Variants in MAP3K20 observed in about 807,000 individuals in gnomAD.
MAP3K20 encodes HCCS-4.
A neutral mutation model predicts 85.7 loss-of-function variants in MAP3K20; 40 were observed. The observed-to-expected ratio is 0.47, with a 90% CI of 0.36 to 0.61. MAP3K20 has a LOEUF of 0.61. MAP3K20 is among the 20% of genes least tolerant of loss of function. The pLI, the probability that MAP3K20 is intolerant of heterozygous loss-of-function variation, is 0.00. For missense variants in MAP3K20, 817 were observed against 961.7 expected (o/e 0.85, Z 1.99); for synonymous variants, 325 against 327.7 (o/e 0.99, Z 0.09).
intron 3 of MAP3K20, among the ~76,000 whole-genome samples, chr2:173,176,129 T>C (rs1290750867): frequency 6.6e-6 from 1 of 152,148 alleles, no homozygotes; most frequent in Non-Finnish European, 1.5e-5. Flanking sequence ...TAATGTTTAT[T>C]GGTTAAAGGT....
Position 173,267,455 on chromosome 2 carries a change from T to C in MAP3K20, c.*705T>C, listed in dbSNP as rs970022485. ...TTTTAGTAAGATATTTGTGTCTGTA[T>C]GATGGTCAGAGTTGAACTGATCTGG... On this transcript the variant is annotated 3_prime_UTR_variant, in exon 20 of 20. Coordinates refer to ENST00000375213, the MANE Select transcript of MAP3K20 (RefSeq NM_016653.3). 1 of 152,220 alleles carries C rather than the reference T, an allele frequency of 6.6e-6. No homozygotes were observed. Among genetic ancestry groups the C allele is most frequent in the Non-Finnish European group, 1.5e-5 (1 of 68,048 alleles). 9.4% of individuals were successfully genotyped at this position (152,220 alleles called of 1,614,324 possible).
At chr2:173,215,194 G>T (rs999449067) in intron 10 of MAP3K20, among the ~76,000 whole-genome samples, 1 of 152,308 alleles carries the variant, frequency 6.6e-6, no homozygotes. Flanking sequence ...TGTCTCACTG[G>T]CAGGGGTGTG....
chr2:173,175,876 T>G (rs1423412641), intron 3 of MAP3K20, among the ~76,000 whole-genome samples: 1 of 152,174 alleles, frequency 6.6e-6, no homozygotes, highest in Admixed American at 6.5e-5. Flanking sequence ...CTTGCTGTCT[T>G]GTCTTGGTGA....
In MAP3K20 at chr2:173,108,378, G is replaced by A. The variant is rs183152995; in HGVS notation, c.159+17188G>A. 5.6e-3 allele frequency among the ~76,000 whole-genome samples: 851 copies of A among 152,248 alleles called. 9 individuals carry two copies. The highest frequency in any genetic ancestry group is 6.3e-3 in the Non-Finnish European group (427 of 68,012). On this transcript the variant is annotated intron_variant, in intron 2 of 19. Coordinates refer to ENST00000375213, the MANE Select transcript of MAP3K20 (RefSeq NM_016653.3). ...ACTCCTGACCTCAGGTGATCCGCCC[G>A]CCTCGGCCTCCCAAAGTGCTGGGAT...
chr2:173,237,171 C>T (rs901856239), intron 14 of MAP3K20, among the ~76,000 whole-genome samples: 2 of 151,756 alleles, frequency 1.3e-5, no homozygotes, highest in Middle Eastern at 3.2e-3. Context: ...GAATTATAGG[C>T]GCAGGCTACA....
chr2:173,237,949 T>C (rs1265588780), intron 14 of MAP3K20, among the ~76,000 whole-genome samples: 1 of 152,096 alleles, frequency 6.6e-6, no homozygotes, highest in African/African-American at 2.4e-5. Flanking sequence ...GAGGCCAGGA[T>C]TTCAAGACCA....
chr2:173,211,689 G>T (rs1368499688), intron 10 of MAP3K20: 3 of 152,434 alleles, frequency 2.0e-5, no homozygotes, highest in African/African-American at 7.2e-5. Context: ...GGCCAAGTCA[G>T]GTGGATCAAC....
intron 4 of MAP3K20, among the ~76,000 whole-genome samples, chr2:173,186,037 G>A (rs1690474554): frequency 6.6e-6 from 1 of 152,150 alleles, no homozygotes; most frequent in Non-Finnish European, 1.5e-5. Flanking sequence ...ATGTGTGTGT[G>A]ATGACTATTG....
chr2:173,220,139 A>ACATTATTTAT (rs1384747274), intron 11 of MAP3K20, among the ~76,000 whole-genome samples: 1 of 151,884 alleles, frequency 6.6e-6, no homozygotes. Flanking sequence ...TATTATTTGT[A>ACATTATTTAT]CATTATTTAT....
chr2:173,264,488 T>C (rs1206524783), intron 19 of MAP3K20, among the ~76,000 whole-genome samples: 5 of 152,108 alleles, frequency 3.3e-5, no homozygotes, highest in South Asian at 2.1e-4. Context: ...TTCTTATATA[T>C]AGGAGTAAGG....
chr2:173,219,896 A>G (rs563643690), intron 11 of MAP3K20, among the ~76,000 whole-genome samples: 22 of 151,944 alleles, frequency 1.4e-4, no homozygotes, highest in East Asian at 9.7e-4. Flanking sequence ...GTGAAACCCC[A>G]TCTCTACTAA....
chr2:173,141,043 C>G (rs12996371), intron 2 of MAP3K20, among the ~76,000 whole-genome samples: 137,801 of 152,202 alleles, frequency 0.91, 63,107 homozygotes, highest in Middle Eastern at 0.98. Flanking sequence ...ATCATAAAAA[C>G]GTGTCCCAAT....
chr2:173,134,833 T>G (rs1169053103), intron 2 of MAP3K20, among the ~76,000 whole-genome samples: 1 of 152,134 alleles, frequency 6.6e-6, no homozygotes, highest in East Asian at 1.9e-4. Context: ...ACAGTCAAAC[T>G]GGGAGAAAGA....
At position 173,184,509 on chromosome 2, in the gene MAP3K20, G is replaced by A. The variant is rs575782589; in HGVS notation, c.349+1554G>A. Among the ~76,000 whole-genome samples, 32 of 152,282 alleles carry A rather than the reference G, an allele frequency of 2.1e-4. No homozygotes were observed. The Middle Eastern group carries it at 0.01, about 49-fold the overall frequency. On this transcript the variant is annotated intron_variant, in intron 4 of 19. Transcript: ENST00000375213. ...AACCACATGCCACATCATCCCGACT[G>A]AGGGATAAGTCTCTTGGCTCCACAT...
intron 11 of MAP3K20, chr2:173,223,344 A>T: frequency 1.6e-5 from 14 of 876,178 alleles, no homozygotes; most frequent in Non-Finnish European, 1.9e-5. Flanking sequence ...TGGGAATAAT[A>T]ACAGTACCTA....
intron 2 of MAP3K20, among the ~76,000 whole-genome samples, chr2:173,100,184 G>A (rs1687597515): frequency 6.6e-6 from 1 of 152,220 alleles, no homozygotes; most frequent in Non-Finnish European, 1.5e-5. Flanking sequence ...TCTGAGAGCA[G>A]GACTGTCTTT....
intron 2 of MAP3K20, chr2:173,160,473 T>A (rs979102311): frequency 6.6e-6 from 1 of 152,178 alleles, no homozygotes; most frequent in Non-Finnish European, 1.5e-5. Flanking sequence ...GGGGTAAAAA[T>A]GCACTGAATT....
At chr2:173,220,704 A>G (rs1016223062) in intron 11 of MAP3K20, among the ~76,000 whole-genome samples, 5 of 152,146 alleles carry the variant, frequency 3.3e-5, no homozygotes, top group Non-Finnish European at 7.4e-5. Flanking sequence ...TGCTTCCTCT[A>G]AGCTTTTCTT....
chr2:173,204,152 C>T (rs145097547), intron 9 of MAP3K20, among the ~76,000 whole-genome samples: 1 of 152,232 alleles, frequency 6.6e-6, no homozygotes, highest in African/African-American at 2.4e-5. Flanking sequence ...ACTATTGCAC[C>T]TATATGCTAT....
Sources: gnomAD v4.1 joint callset for allele counts (sites outside exome capture counted in the v4.1 genomes callset) on GRCh38, gnomAD v4.1.1 for gene constraint, MANE v1.5 for transcripts, NCBI Gene and HGNC (gene_info 2026-07-23, HGNC 2026-07-21) for gene names.